GTF2IRD1: variants seen among roughly 807,000 people sequenced by gnomAD.
GTF2IRD1 encodes GTF2I repeat domain containing 1.
In GTF2IRD1, 26 loss-of-function variants were observed where a neutral mutation model predicts 113.2. The ratio of observed to expected loss-of-function variants is 0.23; its 90% CI spans 0.17 to 0.32. The LOEUF is 0.32. Ranked by LOEUF, GTF2IRD1 falls within the 10% of genes least tolerant of loss-of-function variation. The pLI is 1.00. For missense variants in GTF2IRD1, 864 were observed against 1,280.8 expected (o/e 0.67, Z 4.97); for synonymous variants, 484 against 529.1 (o/e 0.91, Z 1.17).
intron 16 of GTF2IRD1, 80 bp downstream of exon 16, chr7:74,545,889 A>G: frequency 9.8e-7 from 1 of 1,025,080 alleles, no homozygotes; most frequent in Non-Finnish European, 1.5e-6. Flanking sequence ...CTTTGGTCGC[A>G]TCCCCTTGCC....
chr7:74,578,329 G>A (rs1801203332), intron 22 of GTF2IRD1, among the ~76,000 whole-genome samples: 1 of 151,988 alleles, frequency 6.6e-6, no homozygotes, highest in Non-Finnish European at 1.5e-5. Context: ...GGGACTATAG[G>A]TGCCCGCCAC....
chr7:74,467,952 T>C (rs797044419), intron 1 of GTF2IRD1, among the ~76,000 whole-genome samples: 2 of 152,262 alleles, frequency 1.3e-5, no homozygotes, highest in South Asian at 4.1e-4. Flanking sequence ...CTGGGCTATT[T>C]AGACACACAT....
rs1375125290 is a variant in GTF2IRD1 at position 74,519,572 on chromosome 7, C to G, written c.769C>G (p.Leu257Val). ...TATSSSMASF[L>V]YSTALPNHAI... is the part of the protein sequence containing the mutation. ...CACCTCCTCCTCCATGGCCAGCTTC[C>G]TGTACAGCACGGCGCTCCCCAACCA... Residue 257 changes from leucine to valine, a missense_variant, in exon 6 of 27, where the codon CTG becomes GTG. Physicochemically the swap from Leu to Val is conservative, Grantham distance 32. This residue lies in a region of GTF2IRD1 where 195 missense variants were observed against 196.6 expected (regional missense o/e 0.99). Transcript: ENST00000424337. The G allele has an allele frequency of 1.9e-6, 3 of 1,612,692 alleles. No homozygotes were observed. The highest frequency in any genetic ancestry group is 1.7e-5 in the Admixed American group (1 of 59,914).
At chr7:74,479,610 T>A (rs913874906) in intron 1 of GTF2IRD1, among the ~76,000 whole-genome samples, 13 of 152,136 alleles carry the variant, frequency 8.5e-5, no homozygotes, top group African/African-American at 2.9e-4. Context: ...CCTGGGAGGG[T>A]CCCGGCAGCT....
At position 74,571,961 on chromosome 7, in the gene GTF2IRD1, G is replaced by A. The variant is rs1430950697; in HGVS notation, c.2320+12306G>A. On this transcript the variant is annotated intron_variant, in intron 22 of 26. Coordinates refer to ENST00000424337, the MANE Select transcript of GTF2IRD1 (RefSeq NM_005685.4). The stretch of plus-strand genomic sequence containing the variant: ...GAGGCCCATTTTGAGAAGCTCAGCT[G>A]TGGGTGAAATGCCTGCCAGGCACAG... 2.0e-5 allele frequency among the ~76,000 whole-genome samples: 3 copies of A among 152,342 alleles called. No individual in the cohort carries two copies. The East Asian group carries it at 5.8e-4, about 29-fold the overall frequency.
At chr7:74,496,600 G>T (rs912284622) in intron 1 of GTF2IRD1, among the ~76,000 whole-genome samples, 3 of 149,988 alleles carry the variant, frequency 2.0e-5, no homozygotes, top group Non-Finnish European at 4.4e-5. Context: ...GTGGGTGTGG[G>T]TGTGCATGTA....
intron 22 of GTF2IRD1, among the ~76,000 whole-genome samples, chr7:74,580,688 A>C (rs142657521): frequency 3.3e-5 from 5 of 152,252 alleles, no homozygotes; most frequent in African/African-American, 1.2e-4. Flanking sequence ...AGACCGAAGA[A>C]CAGAATGAGC....
chr7:74,478,862 C>T (rs1554333999), intron 1 of GTF2IRD1, among the ~76,000 whole-genome samples: 1 of 151,958 alleles, frequency 6.6e-6, no homozygotes, highest in Non-Finnish European at 1.5e-5. Context: ...CCTCCCACCC[C>T]AGCCTCTGGA....
intron 9 of GTF2IRD1, among the ~76,000 whole-genome samples, chr7:74,530,588 A>T (rs1164263363): frequency 5.5e-5 from 5 of 90,780 alleles, no homozygotes; most frequent in African/African-American, 2.2e-4. Flanking sequence ...CTGTTTCTTA[A>T]AAAAAAAAAA....
chr7:74,506,092 A>G (rs1476791284), intron 1 of GTF2IRD1: 1 of 152,236 alleles, frequency 6.6e-6, no homozygotes, highest in East Asian at 1.9e-4. Flanking sequence ...GGAGAGCCAG[A>G]ACTGAGGCCA....
chr7:74,581,378 G>A (rs1337636713), intron 22 of GTF2IRD1, among the ~76,000 whole-genome samples: 3 of 152,184 alleles, frequency 2.0e-5, no homozygotes, highest in Non-Finnish European at 4.4e-5. Flanking sequence ...GCCCAGGGTC[G>A]CGAGCTGATT....
intron 7 of GTF2IRD1, among the ~76,000 whole-genome samples, chr7:74,522,008 G>A (rs587768040): frequency 6.6e-6 from 1 of 152,198 alleles, no homozygotes; most frequent in East Asian, 1.9e-4. Flanking sequence ...GGAGGCCTCA[G>A]TCCCCCACCA....
chr7:74,500,446 A>T (rs960032631), intron 1 of GTF2IRD1, among the ~76,000 whole-genome samples: 2 of 151,760 alleles, frequency 1.3e-5, no homozygotes, highest in Admixed American at 1.3e-4. Context: ...AAAGAAAAAA[A>T]ATTTGGTGGG....
chr7:74,543,815 C>T (rs1380791030), intron 14 of GTF2IRD1, among the ~76,000 whole-genome samples: 5 of 135,694 alleles, frequency 3.7e-5, no homozygotes, highest in South Asian at 2.3e-4. Context: ...GCGGGTGGAT[C>T]GTTTGATCCC....
At chr7:74,503,044 G>A (rs1796116281) in intron 1 of GTF2IRD1, among the ~76,000 whole-genome samples, 6 of 152,000 alleles carry the variant, frequency 3.9e-5, no homozygotes, top group Admixed American at 2.0e-4. Context: ...GTGCACGCTT[G>A]TAATCGCAGC....
chr7:74,555,798 T>C lies in GTF2IRD1; in HGVS notation c.2023+304T>C, dbSNP rs1231363201. Among the ~76,000 whole-genome samples, 1 of 150,682 alleles carries C rather than the reference T, an allele frequency of 6.6e-6. No homozygotes were observed. Among genetic ancestry groups the C allele is most frequent in the Non-Finnish European group, 1.5e-5 (1 of 67,632 alleles). On this transcript the variant is annotated intron_variant, in intron 19 of 26. Transcript: ENST00000424337. This position sits in a 1 kb window ranked among gnomAD's most constrained non-coding sequence, Gnocchi z 5.3. ...CCACTCCTTTTTCAGCAATCAGCTG[T>C]GGTCTTAGTGCTTTGAAATCAGAAT... is the stretch of plus-strand genomic sequence containing the variant.
intron 8 of GTF2IRD1, among the ~76,000 whole-genome samples, chr7:74,524,585 G>A (rs1797491663): frequency 6.6e-6 from 1 of 152,156 alleles, no homozygotes. Flanking sequence ...TTTTAACTAG[G>A]CTGGGTGCAG....
At chr7:74,503,688 G>T (rs564220427) in intron 1 of GTF2IRD1, among the ~76,000 whole-genome samples, 1 of 151,666 alleles carries the variant, frequency 6.6e-6, no homozygotes, top group Admixed American at 6.6e-5. Flanking sequence ...GGCGGAGGCC[G>T]CAGTGAGCCG....
chr7:74,477,407 G>A (rs1436174011), intron 1 of GTF2IRD1, among the ~76,000 whole-genome samples: 2 of 151,308 alleles, frequency 1.3e-5, no homozygotes, highest in African/African-American at 4.9e-5. Context: ...CATTTGGGGT[G>A]GGACGGGGCA....
Sources: gnomAD v4.1 joint callset for allele counts (sites outside exome capture counted in the v4.1 genomes callset) on GRCh38, gnomAD v4.1.1 for gene constraint, gnomAD v4.1.1 regional missense constraint, Gnocchi (gnomAD v3.1) non-coding constraint, MANE v1.5 for transcripts, NCBI Gene and HGNC (gene_info 2026-07-23, HGNC 2026-07-21) for gene names.